AHI1: variants seen among roughly 807,000 people sequenced by gnomAD.
The protein encoded by AHI1 is jouberin.
AHI1 carries 123 observed loss-of-function variants against 149.3 expected under a neutral mutation model. That is an observed-to-expected ratio of 0.82 (90% CI 0.71 to 0.96). The LOEUF is 0.96. AHI1 is among the 40% of genes least tolerant of loss of function. AHI1 has a pLI of 0.00. For missense variants in AHI1, 1,439 were observed against 1,422.7 expected (o/e 1.01, Z -0.18); for synonymous variants, 475 against 459.8 (o/e 1.03, Z -0.42).
chr6:135,448,146 G>C, intron 12 of AHI1, 144 bp downstream of exon 12: 1 of 467,534 alleles, frequency 2.1e-6, no homozygotes, highest in Non-Finnish European at 3.5e-6. Flanking sequence ...TTAAATATCA[G>C]CTATTACAGG....
At chr6:135,338,652 T>C (rs770827628) in intron 24 of AHI1, among the ~76,000 whole-genome samples, 1 of 152,136 alleles carries the variant, frequency 6.6e-6, no homozygotes, top group Non-Finnish European at 1.5e-5. Flanking sequence ...ATCTCAGGAG[T>C]GTGATTTTAA....
intron 24 of AHI1, among the ~76,000 whole-genome samples, chr6:135,348,151 A>C (rs1459887852): frequency 6.6e-6 from 1 of 152,046 alleles, no homozygotes; most frequent in Non-Finnish European, 1.5e-5. Flanking sequence ...AACTTGGTGA[A>C]CTCACATGTT....
rs144072299 is a variant in AHI1 at position 135,349,414 on chromosome 6, C to A, written c.3165+8718G>T. ...TTTCACGCTATATACTACACGTGTT[C>A]TCCAACCCATCTGCTGGCTAAATTG... On this transcript the variant is annotated intron_variant, in intron 24 of 28. Coordinates refer to ENST00000265602, the MANE Select transcript of AHI1 (RefSeq NM_001134831.2). Among the ~76,000 whole-genome samples the A allele has an allele frequency of 1.8e-3, 281 of 152,360 alleles. 1 individual carries two copies. Among genetic ancestry groups the A allele is most frequent in the African/African-American group, 6.6e-3 (273 of 41,586 alleles).
chr6:135,325,552 T>A (rs1045742323), intron 24 of AHI1, among the ~76,000 whole-genome samples: 1 of 152,324 alleles, frequency 6.6e-6, no homozygotes, highest in East Asian at 1.9e-4. Context: ...AGGCCATGTA[T>A]CTTTATTTCC....
At chr6:135,383,018 T>C (rs1017632775) in intron 23 of AHI1, among the ~76,000 whole-genome samples, 3 of 142,918 alleles carry the variant, frequency 2.1e-5, no homozygotes, top group East Asian at 4.1e-4. Flanking sequence ...CAGAATATAA[T>C]GGCTGAAATG....
intron 24 of AHI1, among the ~76,000 whole-genome samples, chr6:135,343,475 T>A (rs915538048): frequency 9.9e-5 from 15 of 151,862 alleles, no homozygotes; most frequent in Admixed American, 6.6e-5. Flanking sequence ...GGACACACCC[T>A]GATTTTAAAA....
intron 28 of AHI1, among the ~76,000 whole-genome samples, chr6:135,287,101 G>A (rs566296470): frequency 1.6e-4 from 25 of 152,084 alleles, no homozygotes; most frequent in African/African-American, 5.5e-4. Flanking sequence ...GTTAGTGGGA[G>A]GACAAAAAAG....
chr6:135,466,608 GA>G (rs925948313), intron 6 of AHI1, among the ~76,000 whole-genome samples: 39 of 152,072 alleles, frequency 2.6e-4, no homozygotes, highest in African/African-American at 9.2e-4. Flanking sequence ...ATTGACATGG[GA>G]AAAAAGTACT....
intron 23 of AHI1, among the ~76,000 whole-genome samples, chr6:135,372,708 AAAC>A (rs776617712): frequency 3.9e-5 from 6 of 152,112 alleles, no homozygotes; most frequent in Non-Finnish European, 8.8e-5. Context: ...GTTAATTACT[AAAC>A]AACAAGATAA....
chr6:135,383,809 TG>T (rs1332268554), intron 23 of AHI1, among the ~76,000 whole-genome samples: 2 of 152,238 alleles, frequency 1.3e-5, no homozygotes, highest in African/African-American at 4.8e-5. Flanking sequence ...ACTATATTAA[TG>T]TAGTCATATC....
At chr6:135,301,903 C>G in intron 26 of AHI1, 2 of 985,418 alleles carry the variant, frequency 2.0e-6, no homozygotes, top group Non-Finnish European at 2.4e-6. Flanking sequence ...CCTCAGAAAG[C>G]ACCATCATAA....
Position 135,353,557 on chromosome 6 carries a change from T to C in AHI1, c.3165+4575A>G, listed in dbSNP as rs150334081. On this transcript the variant is annotated intron_variant, in intron 24 of 28. Transcript: ENST00000265602. Reference sequence around the variant, plus strand: ...ATTTTACATGAATATATGTATAAAGTATACAAAAGTATAATACTGCAATAG... The same window carrying C: ...ATTTTACATGAATATATGTATAAAGCATACAAAAGTATAATACTGCAATAG... Among the ~76,000 whole-genome samples the C allele has an allele frequency of 2.5e-3, 383 of 152,218 alleles. 5 individuals carry two copies. Among genetic ancestry groups the C allele is most frequent in the African/African-American group, 8.4e-3 (351 of 41,560 alleles).
chr6:135,315,447 G>GA (rs1445348868), intron 26 of AHI1, among the ~76,000 whole-genome samples: 2 of 152,120 alleles, frequency 1.3e-5, no homozygotes, highest in African/African-American at 2.4e-5. Context: ...CCAATCTTCT[G>GA]ATTCTACGTC....
chr6:135,422,671 G>GT (rs773652580), intron 20 of AHI1, among the ~76,000 whole-genome samples: 63 of 151,434 alleles, frequency 4.2e-4, no homozygotes, highest in Non-Finnish European at 7.4e-4. Flanking sequence ...ATGTATGTAT[G>GT]TAGAGATGAG....
At chr6:135,346,554 T>C (rs1582727310) in intron 24 of AHI1, among the ~76,000 whole-genome samples, 1 of 152,040 alleles carries the variant, frequency 6.6e-6, no homozygotes, top group Non-Finnish European at 1.5e-5. Flanking sequence ...AGTCTAAGTA[T>C]GGATTATAAA....
At chr6:135,347,958 GT>G (rs1053360609) in intron 24 of AHI1, among the ~76,000 whole-genome samples, 1 of 152,134 alleles carries the variant, frequency 6.6e-6, no homozygotes, top group East Asian at 1.9e-4. Context: ...AATAAGAAGG[GT>G]TTTTTCCCCC....
At chr6:135,422,509 G>GAA (rs929783896) in intron 20 of AHI1, among the ~76,000 whole-genome samples, 1 of 134,892 alleles carries the variant, frequency 7.4e-6, no homozygotes, top group African/African-American at 2.7e-5. Context: ...TGTGTCTCAA[G>GAA]AAAAAAAAAA....
rs756048443 is a variant in AHI1 at position 135,447,000 on chromosome 6, C to T, written c.1779+8G>A. ...TCTAAATAAATCCACTATTATCAAA[C>T]ACTTCACCTGCCCAGGGAGTCGTTT... On this transcript the variant is annotated splice_region_variant and intron_variant, in intron 13 of 28. Transcript: ENST00000265602. 8 of 1,604,888 alleles carry T rather than the reference C, an allele frequency of 5.0e-6. No homozygotes were observed. The highest frequency in any genetic ancestry group is 6.0e-6 in the Non-Finnish European group (7 of 1,176,052).
intron 23 of AHI1, among the ~76,000 whole-genome samples, chr6:135,386,871 T>G (rs915216337): frequency 1.3e-5 from 2 of 152,094 alleles, no homozygotes; most frequent in Non-Finnish European, 2.9e-5. Flanking sequence ...CCTCAGCTGA[T>G]TGGCCCACCT....
Sources: allele counts gnomAD v4.1 joint callset (sites outside exome capture counted in the v4.1 genomes callset), GRCh38; gene constraint gnomAD v4.1.1; transcripts MANE v1.5; gene names NCBI Gene and HGNC (gene_info 2026-07-23, HGNC 2026-07-21).